The following MAPK10 variants were observed in gnomAD, a reference collection of about 807,000 sequenced individuals.
MAPK10 encodes JNK3 alpha protein kinase.
MAPK10 carries 25 observed loss-of-function variants against 59.3 expected under a neutral mutation model. The ratio of observed to expected loss-of-function variants is 0.42; its 90% CI spans 0.31 to 0.59. The LOEUF is 0.59. MAPK10 is among the 20% of genes least tolerant of loss of function. The probability of loss-of-function intolerance (pLI) is 0.15; values close to 1 mark genes in which losing one functional copy is unlikely to be tolerated. For missense variants in MAPK10, 351 were observed against 568.9 expected, an observed-to-expected ratio of 0.62 and a Z score of 3.90; for synonymous variants, 190 against 200.5, an observed-to-expected ratio of 0.95 and a Z score of 0.44.
chr4:86,425,064 A>C (rs1435522675), intron 1 of MAPK10, among the ~76,000 whole-genome samples: 1 of 152,168 alleles, frequency 6.6e-6, no homozygotes, highest in Admixed American at 6.5e-5. Flanking sequence ...TATAACCAGC[A>C]AGGAGATAGA....
rs1457183796 is a variant in MAPK10, at chr4:86,107,216, A to C, written c.366+7T>G. On this transcript the variant is annotated splice_region_variant and intron_variant, in intron 5 of 13. Coordinates refer to ENST00000641462, the MANE Select transcript of MAPK10 (RefSeq NM_138982.4). Reference sequence around the variant, plus strand: ...ACTGCCAGAAGTTTAAAAATAACAAAACTCACGTTTTTATGGTTCACACAC... The same window carrying C: ...ACTGCCAGAAGTTTAAAAATAACAACACTCACGTTTTTATGGTTCACACAC... 1 of 1,606,380 alleles carries C rather than the reference A, an allele frequency of 6.2e-7. No individual in the cohort carries two copies. Among genetic ancestry groups the C allele is most frequent in the Non-Finnish European group, 8.5e-7 (1 of 1,177,190 alleles).
chr4:86,456,286 G>A (rs1751220101), upstream of MAPK10, among the ~76,000 whole-genome samples: 1 of 151,964 alleles, frequency 6.6e-6, no homozygotes, highest in South Asian at 2.1e-4. Context: ...AAACCCGGCA[G>A]AAGAAAGGAA....
chr4:86,169,832 C>T (rs1415698538), intron 3 of MAPK10, among the ~76,000 whole-genome samples: 3 of 152,102 alleles, frequency 2.0e-5, no homozygotes, highest in South Asian at 2.1e-4. Context: ...GGGTTACCCA[C>T]AAAGGGAAGC....
intron 13 of MAPK10, chr4:86,027,764 C>G (rs914681805): frequency 1.3e-5 from 2 of 152,190 alleles, no homozygotes; most frequent in Admixed American, 1.3e-4. Context: ...TGCATACAGT[C>G]TTCTCAATGA....
intron 13 of MAPK10, among the ~76,000 whole-genome samples, chr4:86,020,007 C>T (rs1745562204): frequency 6.6e-6 from 1 of 152,088 alleles, no homozygotes; most frequent in Non-Finnish European, 1.5e-5. Flanking sequence ...TTAGTATATT[C>T]ACAACATTGT....
At chr4:86,105,250 G>A (rs568583735) in intron 5 of MAPK10, among the ~76,000 whole-genome samples, 1 of 152,098 alleles carries the variant, frequency 6.6e-6, no homozygotes, top group South Asian at 2.1e-4. Context: ...ACAGTTCTAC[G>A]TTCTTATTAA....
At chr4:86,433,464 A>G (rs1284058249) in intron 1 of MAPK10, among the ~76,000 whole-genome samples, 2 of 150,862 alleles carry the variant, frequency 1.3e-5, no homozygotes, top group Non-Finnish European at 1.5e-5. Flanking sequence ...CTGAAACTAG[A>G]TTTCAACTGA....
intron 1 of MAPK10, among the ~76,000 whole-genome samples, chr4:86,542,313 G>A (rs1758774493): frequency 6.6e-6 from 1 of 152,180 alleles, no homozygotes; most frequent in Non-Finnish European, 1.5e-5. Context: ...GGAGTTCAGA[G>A]ACCAGAGTTT....
At chr4:86,335,983 A>G (rs2148925751) in intron 2 of MAPK10, among the ~76,000 whole-genome samples, 1 of 152,320 alleles carries the variant, frequency 6.6e-6, no homozygotes, top group Middle Eastern at 3.4e-3. Context: ...ACAGAGCCCA[A>G]CTGTATCAAC....
At chr4:86,387,263 A>C (rs1349825811) in intron 1 of MAPK10, among the ~76,000 whole-genome samples, 1 of 152,216 alleles carries the variant, frequency 6.6e-6, no homozygotes, top group Non-Finnish European at 1.5e-5. Flanking sequence ...TTCAAGCCCA[A>C]GAGCACAACG....
At position 86,029,685 on chromosome 4, in the gene MAPK10, C is replaced by T. The variant is rs139879924; in HGVS notation, c.1175-411G>A. ...TGGGGGAAGTACTAATACATTCTAGCTCAATCTAGCAACAATTTTTATGGC... is the reference window on the plus strand; with the variant it reads ...TGGGGGAAGTACTAATACATTCTAGTTCAATCTAGCAACAATTTTTATGGC... On this transcript the variant is annotated intron_variant, in intron 12 of 13. Coordinates refer to ENST00000641462, the MANE Select transcript of MAPK10 (RefSeq NM_138982.4). 7.2e-3 allele frequency among the ~76,000 whole-genome samples: 1,099 copies of T among 152,194 alleles called. 12 individuals are homozygous for T. The highest frequency in any genetic ancestry group is 0.025 in the African/African-American group (1,025 of 41,532).
intron 1 of MAPK10, among the ~76,000 whole-genome samples, chr4:86,547,328 G>A (rs114818078): frequency 0.027 from 4,122 of 152,278 alleles, 195 homozygotes; most frequent in African/African-American, 0.094. Flanking sequence ...AGGGAGAGGC[G>A]CTGGGGGGAA....
intron 1 of MAPK10, among the ~76,000 whole-genome samples, chr4:86,591,384 T>C (rs947109597): frequency 2.6e-5 from 4 of 152,152 alleles, no homozygotes; most frequent in African/African-American, 9.7e-5. Context: ...ATTATTATTG[T>C]TATTTTTGAG....
chr4:86,378,933 G>A (rs1017432222), intron 1 of MAPK10, among the ~76,000 whole-genome samples: 1 of 152,208 alleles, frequency 6.6e-6, no homozygotes, highest in African/African-American at 2.4e-5. Flanking sequence ...CTTCATGGAA[G>A]AATTGAAATG....
At chr4:86,573,724 G>A (rs1275696243) in intron 1 of MAPK10, among the ~76,000 whole-genome samples, 1 of 152,074 alleles carries the variant, frequency 6.6e-6, no homozygotes, top group Non-Finnish European at 1.5e-5. Flanking sequence ...AACGTGATAT[G>A]TCTCTCCACT....
intron 13 of MAPK10, chr4:86,025,361 G>A (rs1471714973): frequency 7.6e-6 from 3 of 394,362 alleles, no homozygotes; most frequent in Non-Finnish European, 4.5e-6. Context: ...TCTGCTGGAT[G>A]ATCCATTCAA....
At chr4:86,107,769 T>C (rs769128410) in intron 4 of MAPK10, 1 of 413,910 alleles carries the variant, frequency 2.4e-6, no homozygotes, top group Non-Finnish European at 3.3e-6. Context: ...TCTGTTAATA[T>C]ATGATATTTA....
intron 2 of MAPK10, among the ~76,000 whole-genome samples, chr4:86,265,092 T>C (rs1490799501): frequency 1.3e-5 from 2 of 152,162 alleles, no homozygotes; most frequent in East Asian, 3.9e-4. Context: ...GGTTTCACCA[T>C]GTTGGCCAGG....
intron 2 of MAPK10, among the ~76,000 whole-genome samples, chr4:86,214,228 C>T (rs187162985): frequency 6.6e-6 from 1 of 152,006 alleles, no homozygotes; most frequent in East Asian, 1.9e-4. Flanking sequence ...TAGAATGAAA[C>T]TATCTCAACA....
Sources: gnomAD v4.1 joint callset for allele counts (sites outside exome capture counted in the v4.1 genomes callset) on GRCh38, gnomAD v4.1.1 for gene constraint, MANE v1.5 for transcripts, NCBI Gene and HGNC (gene_info 2026-07-23, HGNC 2026-07-21) for gene names.